PPP1CB: variants seen among roughly 807,000 people sequenced by gnomAD.
The protein encoded by PPP1CB is protein phosphatase 1 catalytic subunit beta.
In PPP1CB, 2 loss-of-function variants were observed where a neutral mutation model predicts 43.7. That is an observed-to-expected ratio of 0.05 (90% confidence interval 0.02 to 0.14). The LOEUF (loss-of-function observed/expected upper bound fraction) is 0.14. Ranked by LOEUF, PPP1CB falls within the 10% of genes least tolerant of loss-of-function variation. The pLI, the probability that PPP1CB is intolerant of heterozygous loss-of-function variation, is 1.00. For synonymous variants in PPP1CB, 136 were observed against 135.6 expected, an observed-to-expected ratio of 1.00 and a Z score of -0.02; for missense variants, 84 against 398.0, an observed-to-expected ratio of 0.21 and a Z score of 6.71.
At chr2:28,797,417 GTTTT>G (rs754340696) in intron 7 of PPP1CB, among the ~76,000 whole-genome samples, 4 of 151,822 alleles carry the variant, frequency 2.6e-5, no homozygotes, top group Non-Finnish European at 4.4e-5. Flanking sequence ...TGGTTTATAG[GTTTT>G]TTTATTACTG....
Position 28,800,432 on chromosome 2 carries a change from A to G in PPP1CB, c.*1129A>G, listed in dbSNP as rs1410061150. On this transcript the variant is annotated 3_prime_UTR_variant, in exon 8 of 8. Coordinates refer to ENST00000395366, the MANE Select transcript of PPP1CB (RefSeq NM_002709.3). Reference sequence around the variant, plus strand: ...TTAACTGTCTAATATTGCCATGTGAATGTTGTATACGATTGTAAGGCTTAT... The same window carrying G: ...TTAACTGTCTAATATTGCCATGTGAGTGTTGTATACGATTGTAAGGCTTAT... 1 of 151,986 alleles carries G rather than the reference A, an allele frequency of 6.6e-6. No individual in the cohort carries two copies. Among genetic ancestry groups the G allele is most frequent in the Non-Finnish European group, 1.5e-5 (1 of 67,832 alleles). The allele number at this position is 151,986 out of a possible 1,614,324, so 9.4% of individuals were successfully genotyped here.
intron 6 of PPP1CB, among the ~76,000 whole-genome samples, chr2:28,793,171 C>G (rs1411597502): frequency 6.6e-6 from 1 of 152,106 alleles, no homozygotes; most frequent in Non-Finnish European, 1.5e-5. Flanking sequence ...TGCCACTGCA[C>G]TCCAGCCTGG....
intron 1 of PPP1CB, among the ~76,000 whole-genome samples, chr2:28,763,153 A>G (rs758390729): frequency 1.3e-5 from 2 of 152,234 alleles, no homozygotes; most frequent in Non-Finnish European, 2.9e-5. Flanking sequence ...CTTTGCGACA[A>G]CCATTGTACT....
At chr2:28,760,824 C>T (rs1666626141) in intron 1 of PPP1CB, among the ~76,000 whole-genome samples, 1 of 152,092 alleles carries the variant, frequency 6.6e-6, no homozygotes, top group Non-Finnish European at 1.5e-5. Context: ...TGTATGTTTC[C>T]TCAATGTGGT....
At chr2:28,775,006 T>C (rs1204196755) in intron 1 of PPP1CB, among the ~76,000 whole-genome samples, 1 of 152,186 alleles carries the variant, frequency 6.6e-6, no homozygotes, top group Non-Finnish European at 1.5e-5. Flanking sequence ...TATTAATATA[T>C]TAATGGAATA....
chr2:28,770,423 A>C lies in PPP1CB; in HGVS notation c.53-6428A>C, dbSNP rs553057797. Among the ~76,000 whole-genome samples, 248 of 151,564 alleles carry C rather than the reference A, an allele frequency of 1.6e-3. 2 individuals are homozygous for C. Among genetic ancestry groups the C allele is most frequent in the Non-Finnish European group, 7.5e-4 (51 of 67,936 alleles). Reference sequence around the variant, plus strand: ...GTGTGGGGGAGACGATATCATGCACACATTAATCAAATGAAAGCTGACTTG... The same window carrying C: ...GTGTGGGGGAGACGATATCATGCACCCATTAATCAAATGAAAGCTGACTTG... On this transcript the variant is annotated intron_variant, in intron 1 of 7. Coordinates refer to ENST00000395366, the MANE Select transcript of PPP1CB (RefSeq NM_002709.3).
intron 1 of PPP1CB, among the ~76,000 whole-genome samples, chr2:28,756,619 G>A (rs1666494377): frequency 6.6e-6 from 1 of 152,146 alleles, no homozygotes; most frequent in South Asian, 2.1e-4. Context: ...TAGTGGATGG[G>A]ACCACAGGCA....
At chr2:28,772,974 A>G (rs933876032) in intron 1 of PPP1CB, among the ~76,000 whole-genome samples, 9 of 152,202 alleles carry the variant, frequency 5.9e-5, no homozygotes, top group Non-Finnish European at 1.2e-4. Flanking sequence ...GTTTCTTTTT[A>G]TCTAAAAGTC....
chr2:28,764,265 C>T (rs528326147), intron 1 of PPP1CB, among the ~76,000 whole-genome samples: 6 of 151,828 alleles, frequency 4.0e-5, no homozygotes, highest in Admixed American at 1.3e-4. Context: ...TCGAGACCAT[C>T]CTAGCTAACA....
chr2:28,780,623 A>G (rs527484692), intron 3 of PPP1CB, among the ~76,000 whole-genome samples: 1 of 152,292 alleles, frequency 6.6e-6, no homozygotes, highest in Non-Finnish European at 1.5e-5. Context: ...CATCAAATGA[A>G]ATAATGTATG....
At chr2:28,780,003 T>A (rs983096828) in intron 3 of PPP1CB, among the ~76,000 whole-genome samples, 1 of 152,144 alleles carries the variant, frequency 6.6e-6, no homozygotes, top group Non-Finnish European at 1.5e-5. Context: ...TGTATGTCCT[T>A]GTAGTGAAAA....
At chr2:28,785,472 T>G (rs1054580229) in intron 5 of PPP1CB, among the ~76,000 whole-genome samples, 1 of 152,068 alleles carries the variant, frequency 6.6e-6, no homozygotes, top group East Asian at 1.9e-4. Flanking sequence ...TAGAATACAT[T>G]TGACTAAACC....
At chr2:28,777,194 C>T (rs1254424634) in intron 2 of PPP1CB, 1 of 341,896 alleles carries the variant, frequency 2.9e-6, no homozygotes, top group Non-Finnish European at 5.3e-6. Flanking sequence ...AAAAGGAGTT[C>T]TATTTATAAT....
intron 1 of PPP1CB, among the ~76,000 whole-genome samples, chr2:28,756,324 GA>G (rs1238333233): frequency 2.6e-5 from 4 of 152,192 alleles, no homozygotes; most frequent in African/African-American, 9.7e-5. Flanking sequence ...ACAGTTTTAT[GA>G]AAATCGTGGG....
chr2:28,756,524 G>A (rs1260909569), intron 1 of PPP1CB, among the ~76,000 whole-genome samples: 3 of 152,118 alleles, frequency 2.0e-5, no homozygotes, highest in African/African-American at 7.2e-5. Flanking sequence ...TCCTATTCAA[G>A]ACAGGCTGGA....
chr2:28,776,343 A>G (rs1394967083), intron 1 of PPP1CB, among the ~76,000 whole-genome samples: 1 of 150,880 alleles, frequency 6.6e-6, no homozygotes, highest in East Asian at 1.9e-4. Context: ...GCTCACTGCA[A>G]CCTCTGCCCC....
At chr2:28,760,743 A>G (rs1000190200) in intron 1 of PPP1CB, among the ~76,000 whole-genome samples, 102 of 152,240 alleles carry the variant, frequency 6.7e-4, no homozygotes, top group African/African-American at 2.4e-3. Flanking sequence ...CACTAATGTC[A>G]TATCTAGCAG....
At chr2:28,767,080 C>CAAAAAAAA (rs70956037) in intron 1 of PPP1CB, among the ~76,000 whole-genome samples, 1 of 142,012 alleles carries the variant, frequency 7.0e-6, no homozygotes, top group Non-Finnish European at 1.5e-5. Flanking sequence ...GACTCCATCT[C>CAAAAAAAA]AAAAAAAAAA....
chr2:28,764,418 C>T (rs1015434112), intron 1 of PPP1CB, among the ~76,000 whole-genome samples: 3 of 150,954 alleles, frequency 2.0e-5, no homozygotes, highest in African/African-American at 4.9e-5. Flanking sequence ...TGAGATTGTG[C>T]CACTGCACTC....
Sources: allele counts gnomAD v4.1 joint callset (sites outside exome capture counted in the v4.1 genomes callset), GRCh38; gene constraint gnomAD v4.1.1; transcripts MANE v1.5; gene names NCBI Gene and HGNC (gene_info 2026-07-23, HGNC 2026-07-21).